Variants in STAC observed in about 807,000 individuals in gnomAD.
The protein encoded by STAC is SH3 and cysteine rich domain, also known as SH3 and cysteine-rich domain-containing protein.
STAC carries 43 observed loss-of-function variants against 48.8 expected under a neutral mutation model. The observed-to-expected ratio is 0.88, with a 90% confidence interval of 0.69 to 1.14. The LOEUF (loss-of-function observed/expected upper bound fraction) is 1.14. Ranked by LOEUF, STAC falls within the 50% of genes most tolerant of loss-of-function variation. The probability of loss-of-function intolerance (pLI) is 0.00; values close to 1 mark genes in which losing one functional copy is unlikely to be tolerated. For synonymous variants in STAC, 193 were observed against 179.5 expected (o/e 1.07, Z -0.60); for missense variants, 497 against 504.0 (o/e 0.99, Z 0.13).
chr3:36,385,684 TAA>T (rs1699601040), intron 1 of STAC, among the ~76,000 whole-genome samples: 1 of 152,042 alleles, frequency 6.6e-6, no homozygotes, highest in Non-Finnish European at 1.5e-5. Context: ...CTCCTAAAGG[TAA>T]ATAGTATCCT....
At chr3:36,545,458 G>A (rs577094307) in intron 10 of STAC, among the ~76,000 whole-genome samples, 2 of 152,274 alleles carry the variant, frequency 1.3e-5, no homozygotes, top group South Asian at 4.1e-4. Flanking sequence ...TGTTTCTGGG[G>A]AATCCAACCT....
chr3:36,463,805 G>A (rs191657927), intron 2 of STAC, among the ~76,000 whole-genome samples: 3,518 of 151,658 alleles, frequency 0.023, 122 homozygotes, highest in African/African-American at 0.079. Flanking sequence ...GAGAATGATG[G>A]TTTCCAGCTT....
intron 2 of STAC, among the ~76,000 whole-genome samples, chr3:36,449,811 G>A (rs1204321499): frequency 6.6e-6 from 1 of 152,166 alleles, no homozygotes; most frequent in Non-Finnish European, 1.5e-5. Context: ...AGCATTGCGT[G>A]TCATCTTAAA....
intron 8 of STAC, among the ~76,000 whole-genome samples, chr3:36,512,894 T>C (rs1252046420): frequency 6.6e-6 from 1 of 152,196 alleles, no homozygotes; most frequent in Non-Finnish European, 1.5e-5. Context: ...TCAGCATAAC[T>C]CTTTGAATGA....
intron 8 of STAC, among the ~76,000 whole-genome samples, chr3:36,515,745 T>C (rs976944084): frequency 1.3e-5 from 2 of 152,114 alleles, no homozygotes; most frequent in African/African-American, 2.4e-5. Flanking sequence ...GTCTTTGTCC[T>C]GTACCTGTGA....
chr3:36,451,492 T>C (rs970325319), intron 2 of STAC, among the ~76,000 whole-genome samples: 2 of 152,194 alleles, frequency 1.3e-5, no homozygotes, highest in Admixed American at 6.5e-5. Flanking sequence ...TCTTAAGATA[T>C]ATACAAATTT....
intron 1 of STAC, among the ~76,000 whole-genome samples, chr3:36,442,911 T>C (rs1696393134): frequency 6.6e-6 from 1 of 152,204 alleles, no homozygotes; most frequent in East Asian, 1.9e-4. Flanking sequence ...TAGACTCTTC[T>C]GCTTTGCTGT....
At chr3:36,499,422 A>G (rs1698229657) in intron 6 of STAC, among the ~76,000 whole-genome samples, 1 of 152,194 alleles carries the variant, frequency 6.6e-6, no homozygotes, top group South Asian at 2.1e-4. Flanking sequence ...CATATCTCAT[A>G]AAATTTCTAA....
At chr3:36,399,906 G>T (rs1699966393) in intron 1 of STAC, among the ~76,000 whole-genome samples, 1 of 152,182 alleles carries the variant, frequency 6.6e-6, no homozygotes, top group South Asian at 2.1e-4. Context: ...TACGACTTAG[G>T]CAGCCCCAGG....
intron 2 of STAC, among the ~76,000 whole-genome samples, chr3:36,474,982 A>G (rs1697451452): frequency 6.6e-6 from 1 of 152,194 alleles, no homozygotes. Context: ...GACTTCTCAT[A>G]CAATGGCTTT....
At chr3:36,448,292 G>C (rs1327456016) in intron 2 of STAC, among the ~76,000 whole-genome samples, 1 of 152,036 alleles carries the variant, frequency 6.6e-6, no homozygotes, top group Non-Finnish European at 1.5e-5. Flanking sequence ...TGCAATCTCA[G>C]CTCACTGCAA....
chr3:36,403,875 C>T (rs147152914), intron 1 of STAC, among the ~76,000 whole-genome samples: 1 of 152,086 alleles, frequency 6.6e-6, no homozygotes, highest in Non-Finnish European at 1.5e-5. Flanking sequence ...CTGAAAAAAA[C>T]AAGTCATCAA....
chr3:36,421,660 C>T (rs190373017), intron 1 of STAC, among the ~76,000 whole-genome samples: 92 of 152,188 alleles, frequency 6.0e-4, no homozygotes, highest in Non-Finnish European at 1.2e-3. Flanking sequence ...AAGTCTTCTT[C>T]GGGATCCAAT....
At chr3:36,415,592 G>A (rs73059955) in intron 1 of STAC, among the ~76,000 whole-genome samples, 3,544 of 152,228 alleles carry the variant, frequency 0.023, 61 homozygotes, top group East Asian at 0.026. Flanking sequence ...CCCCTGCTTC[G>A]GCTCACCGTT....
intron 8 of STAC, among the ~76,000 whole-genome samples, chr3:36,512,205 TG>T (rs2125718168): frequency 6.6e-6 from 1 of 152,280 alleles, no homozygotes; most frequent in East Asian, 1.9e-4. Flanking sequence ...AAATATTACC[TG>T]AACAGTCTAG....
chr3:36,441,758 C>A (rs996689321), intron 1 of STAC, among the ~76,000 whole-genome samples: 14 of 152,228 alleles, frequency 9.2e-5, no homozygotes, highest in African/African-American at 2.9e-4. Context: ...TTATTTTTGT[C>A]TTTTTGATAA....
At chr3:36,545,949 C>T (rs1197578567) in intron 10 of STAC, among the ~76,000 whole-genome samples, 1 of 152,152 alleles carries the variant, frequency 6.6e-6, no homozygotes, top group Non-Finnish European at 1.5e-5. Context: ...TTTATTGATC[C>T]TCATTCATAA....
chr3:36,515,039 AAATAAT>A (rs142944670), intron 8 of STAC, among the ~76,000 whole-genome samples: 264 of 147,852 alleles, frequency 1.8e-3, no homozygotes, highest in Non-Finnish European at 2.7e-3. Flanking sequence ...CTCTGTCTCC[AAATAAT>A]AATAATAATA....
At chr3:36,479,066 T>C (rs1016034410) in intron 2 of STAC, among the ~76,000 whole-genome samples, 2 of 152,252 alleles carry the variant, frequency 1.3e-5, no homozygotes, top group African/African-American at 4.8e-5. Flanking sequence ...AGTTCTTCTG[T>C]TATGTACTGG....
Sources: gnomAD v4.1 joint callset for allele counts (sites outside exome capture counted in the v4.1 genomes callset) on GRCh38, gnomAD v4.1.1 for gene constraint, MANE v1.5 for transcripts, NCBI Gene and HGNC (gene_info 2026-07-23, HGNC 2026-07-21) for gene names.